UTP18: variants seen among roughly 807,000 people sequenced by gnomAD.
The protein encoded by UTP18 is UTP18 small subunit processome component, also known as U3 small nucleolar RNA-associated protein 18 homolog.
UTP18 carries 36 observed loss-of-function variants against 61.1 expected under a neutral mutation model. The observed-to-expected ratio is 0.59, with a 90% CI of 0.45 to 0.78. The LOEUF (loss-of-function observed/expected upper bound fraction) is 0.78. Among genes scored for constraint, UTP18 ranks in the 30% least tolerant of loss-of-function variants. The pLI is 0.00. For missense variants in UTP18, 753 were observed against 693.9 expected (o/e 1.09, Z -0.96); for synonymous variants, 282 against 251.1 (o/e 1.12, Z -1.16).
At chr17:51,292,990 G>C (rs576960577) in intron 11 of UTP18, among the ~76,000 whole-genome samples, 35 of 152,328 alleles carry the variant, frequency 2.3e-4, no homozygotes, top group Non-Finnish European at 4.4e-4. Flanking sequence ...GCAATTTTAT[G>C]ATAGTAGAAT....
rs751192829 is a variant in UTP18 at position 51,260,571 on chromosome 17, C to T, written c.-14C>T. The T allele has an allele frequency of 2.4e-5, 39 of 1,609,894 alleles. No individual in the cohort carries two copies. The highest frequency in any genetic ancestry group is 4.5e-5 in the East Asian group (2 of 44,764). Reference sequence around the variant, plus strand: ...GTTCCACGTGAGCGCCTGCGTTTCTCCTCAAACCTAACGATGCCGCCGGAG... The same window carrying T: ...GTTCCACGTGAGCGCCTGCGTTTCTTCTCAAACCTAACGATGCCGCCGGAG... On this transcript the variant is annotated 5_prime_UTR_variant, in exon 1 of 14. Coordinates refer to ENST00000225298, the MANE Select transcript of UTP18 (RefSeq NM_016001.3).
chr17:51,282,067 C>T (rs16949753), intron 9 of UTP18, among the ~76,000 whole-genome samples: 3,512 of 152,268 alleles, frequency 0.023, 60 homozygotes, highest in Non-Finnish European at 0.031. Context: ...CTCTTACTGT[C>T]TATCCCAAAG....
chr17:51,263,406 T>C lies in UTP18; in HGVS notation c.455+20T>C. ...GGAAATGTAAGTTGCCTAACTTTTC[T>C]TCTGAATCCCTCTGTACACTTAAAA... On this transcript the variant is annotated intron_variant, in intron 2 of 13. Transcript: ENST00000225298. 3 of 1,573,810 alleles carry C rather than the reference T, an allele frequency of 1.9e-6. No homozygotes were observed. The highest frequency in any genetic ancestry group is 2.6e-6 in the Non-Finnish European group (3 of 1,143,798).
chr17:51,269,057 C>T (rs905771141), intron 4 of UTP18, among the ~76,000 whole-genome samples, 153 bp downstream of exon 4: 3 of 151,960 alleles, frequency 2.0e-5, no homozygotes, highest in Non-Finnish European at 2.9e-5. Context: ...GAGCCCGAGG[C>T]GGGTGGATCG....
Position 51,291,898 on chromosome 17 carries a change from A to G in UTP18, c.1504-2005A>G, listed in dbSNP as rs532277935. The stretch of plus-strand genomic sequence containing the variant: ...GCCTGAGGCCTAGTTTCATAGTATC[A>G]GGTGAATAGGGTGGGAACAAAAGGC... On this transcript the variant is annotated intron_variant, in intron 11 of 13. Coordinates refer to ENST00000225298, the MANE Select transcript of UTP18 (RefSeq NM_016001.3). 1.2e-4 allele frequency among the ~76,000 whole-genome samples: 18 copies of G among 152,324 alleles called. No homozygotes were observed. In the East Asian group the frequency reaches 3.3e-3, roughly 28 times the overall value.
intron 1 of UTP18, among the ~76,000 whole-genome samples, chr17:51,261,462 A>G (rs764191253): frequency 6.6e-6 from 1 of 152,048 alleles, no homozygotes; most frequent in Non-Finnish European, 1.5e-5. Flanking sequence ...GCAATGGCAA[A>G]CCCTGCGTGA....
chr17:51,268,007 GTTT>G (rs766635231), intron 3 of UTP18, among the ~76,000 whole-genome samples: 1 of 130,582 alleles, frequency 7.7e-6, no homozygotes, highest in African/African-American at 3.0e-5. Flanking sequence ...TTTGTTTTTT[GTTT>G]TTTGTTTTTT....
At chr17:51,275,636 T>C (rs1904693840) in intron 5 of UTP18, among the ~76,000 whole-genome samples, 2 of 152,210 alleles carry the variant, frequency 1.3e-5, no homozygotes, top group African/African-American at 4.8e-5. Context: ...ATTTAATCTT[T>C]TTATTTGAAA....
chr17:51,267,072 C>T (rs774082697), intron 3 of UTP18, among the ~76,000 whole-genome samples: 1 of 152,196 alleles, frequency 6.6e-6, no homozygotes, highest in Non-Finnish European at 1.5e-5. Flanking sequence ...AAGAAATCCT[C>T]CCACCTCAGC....
chr17:51,277,286 C>G lies in UTP18; in HGVS notation c.994C>G (p.Pro332Ala). 6.2e-7 allele frequency: 1 copy of G among 1,614,028 alleles called. No homozygotes were observed. The highest frequency in any genetic ancestry group is 1.1e-5 in the South Asian group (1 of 91,062). Reference protein sequence around the residue: ...VYDMLAGKLIPVHQVRGLKEK... With the variant: ...VYDMLAGKLIAVHQVRGLKEK... ...TGACATGCTGGCTGGAAAGTTAATT[C>G]CTGTGCATCAAGTGAGAGGTAAGAT... Residue 332 changes from proline (P) to alanine (A), a missense_variant, in exon 7 of 14, where the codon CCT becomes GCT. Coordinates refer to ENST00000225298, the MANE Select transcript of UTP18 (RefSeq NM_016001.3).
In UTP18 at chr17:51,280,459, A is replaced by C. The variant is rs751466028; in HGVS notation, c.1184A>C (p.Lys395Thr). Reference sequence around the variant, plus strand: ...GCATCCACATTCTCTTCAGATAGTAAGAAAGTATACGCCTCTTCGGGTAAG... The same window carrying C: ...GCATCCACATTCTCTTCAGATAGTACGAAAGTATACGCCTCTTCGGGTAAG... Reference protein sequence around the residue: ...VAASTFSSDSKKVYASSGDGE... With the variant: ...VAASTFSSDSTKVYASSGDGE... Residue 395 changes from lysine to threonine, a missense_variant, in exon 9 of 14, where the codon AAG becomes ACG. Lys to Thr is a moderately conservative substitution (Grantham distance 78). Transcript: ENST00000225298. 6.2e-7 allele frequency: 1 copy of C among 1,614,192 alleles called. No individual in the cohort carries two copies. The highest frequency in any genetic ancestry group is 1.7e-5 in the Admixed American group (1 of 60,028).
chr17:51,273,739 T>TAATAATTAAATAAATA (rs1904616331), intron 5 of UTP18, among the ~76,000 whole-genome samples: 1 of 141,030 alleles, frequency 7.1e-6, no homozygotes, highest in Non-Finnish European at 1.5e-5. Context: ...GTCTCTAAAA[T>TAATAATTAAATAAATA]AATAAATAAA....
At chr17:51,281,051 G>A (rs964503069) in intron 9 of UTP18, among the ~76,000 whole-genome samples, 5 of 150,952 alleles carry the variant, frequency 3.3e-5, no homozygotes, top group African/African-American at 1.2e-4. Context: ...GCTGGCGCTC[G>A]CCTGTAATCC....
At chr17:51,268,071 G>T (rs532136148) in intron 3 of UTP18, among the ~76,000 whole-genome samples, 2 of 149,922 alleles carry the variant, frequency 1.3e-5, no homozygotes, top group East Asian at 2.0e-4. Context: ...GTGCAGCGGC[G>T]TGATCGCGGC....
intron 7 of UTP18, among the ~76,000 whole-genome samples, chr17:51,279,475 G>C (rs922151835): frequency 6.6e-6 from 1 of 151,618 alleles, no homozygotes; most frequent in African/African-American, 2.4e-5. Flanking sequence ...CTGACATATT[G>C]TGAAAAGTTT....
intron 12 of UTP18, among the ~76,000 whole-genome samples, chr17:51,295,368 A>G (rs1905340348): frequency 6.6e-6 from 1 of 152,108 alleles, no homozygotes; most frequent in African/African-American, 2.4e-5. Flanking sequence ...TCTTGAATTA[A>G]TTTTTGTATA....
intron 10 of UTP18, among the ~76,000 whole-genome samples, chr17:51,287,141 G>A (rs540426381): frequency 2.1e-4 from 32 of 152,034 alleles, no homozygotes; most frequent in Admixed American, 1.8e-3. Context: ...TCTCTTTTTT[G>A]TATCACTTTT....
In UTP18 at chr17:51,296,694, A is replaced by G. The variant is rs554397709; in HGVS notation, c.1647-271A>G. ...CTATACCAGTGACTGGAATTGACTG[A>G]TGACATTTTTATTGTTTATGTCTGA... On this transcript the variant is annotated intron_variant, in intron 12 of 13. Coordinates refer to ENST00000225298, the MANE Select transcript of UTP18 (RefSeq NM_016001.3). The G allele has an allele frequency of 1.8e-4, 61 of 333,254 alleles. No homozygotes were observed. In the South Asian group the frequency reaches 4.7e-3, roughly 26 times the overall value. 20.6% of individuals were successfully genotyped at this position (333,254 alleles called of 1,614,324 possible).
rs371445294 is a variant in UTP18, at chr17:51,269,572, C to G, written c.622+668C>G. On this transcript the variant is annotated intron_variant, in intron 4 of 13. Transcript: ENST00000225298. Reference sequence around the variant, plus strand: ...AGCATCCTTCATGTCCGTAGAGCTTCAGTTTGATTATGACCACCTCCTTTG... The same window carrying G: ...AGCATCCTTCATGTCCGTAGAGCTTGAGTTTGATTATGACCACCTCCTTTG... Among the ~76,000 whole-genome samples, 5 of 152,090 alleles carry G rather than the reference C, an allele frequency of 3.3e-5. No individual in the cohort carries two copies. In the East Asian group the frequency reaches 7.7e-4, roughly 23 times the overall value.
Sources: allele counts gnomAD v4.1 joint callset (sites outside exome capture counted in the v4.1 genomes callset), GRCh38; gene constraint gnomAD v4.1.1; transcripts MANE v1.5; gene names NCBI Gene and HGNC (gene_info 2026-07-23, HGNC 2026-07-21).